Variants in GTF2A1 observed in about 807,000 individuals in gnomAD.
GTF2A1 encodes general transcription factor IIA subunit 1.
In GTF2A1, 12 loss-of-function variants were observed where a neutral mutation model predicts 54.1. The ratio of observed to expected loss-of-function variants is 0.22; its 90% confidence interval spans 0.14 to 0.36. The LOEUF (loss-of-function observed/expected upper bound fraction) is 0.36. GTF2A1 is among the 10% of genes least tolerant of loss of function. The pLI is 1.00. For synonymous variants in GTF2A1, 145 were observed against 152.0 expected (o/e 0.95, Z 0.34); for missense variants, 335 against 442.2 (o/e 0.76, Z 2.17).
intron 3 of GTF2A1, chr14:81,202,649 T>C (rs777308816): frequency 7.8e-6 from 4 of 514,092 alleles, no homozygotes; most frequent in South Asian, 1.4e-5. Context: ...TCGGAAAAAA[T>C]ACAAATCAGA....
At chr14:81,181,790 C>A (rs1242753202) in intron 8 of GTF2A1, among the ~76,000 whole-genome samples, 1 of 152,142 alleles carries the variant, frequency 6.6e-6, no homozygotes, top group Non-Finnish European at 1.5e-5. Context: ...TGATCCCCCA[C>A]CTCGGCCTCC....
At chr14:81,205,779 G>A (rs777872526) in intron 2 of GTF2A1, among the ~76,000 whole-genome samples, 24 of 152,166 alleles carry the variant, frequency 1.6e-4, no homozygotes, top group Admixed American at 5.9e-4. Context: ...GAAAGACAGC[G>A]CTTCTTCCCG....
chr14:81,190,352 A>C (rs772854917), intron 7 of GTF2A1, among the ~76,000 whole-genome samples: 1 of 152,134 alleles, frequency 6.6e-6, no homozygotes, highest in Non-Finnish European at 1.5e-5. Context: ...CCTTGTAAGA[A>C]GAGTATGAGA....
intron 2 of GTF2A1, among the ~76,000 whole-genome samples, chr14:81,209,132 CA>C (rs1893306339): frequency 6.6e-6 from 1 of 152,148 alleles, no homozygotes; most frequent in African/African-American, 2.4e-5. Context: ...GTGTCCCCAC[CA>C]AAATCTCAAC....
At chr14:81,197,944 T>C (rs1328016600) in intron 4 of GTF2A1, among the ~76,000 whole-genome samples, 2 of 152,232 alleles carry the variant, frequency 1.3e-5, no homozygotes, top group East Asian at 1.9e-4. Flanking sequence ...AGTATAATTA[T>C]CTACTTTTTA....
At chr14:81,196,049 G>A in intron 6 of GTF2A1, 59 bp downstream of exon 6, 1 of 1,477,480 alleles carries the variant, frequency 6.8e-7, no homozygotes, top group Non-Finnish European at 9.4e-7. Flanking sequence ...AAACTACCCA[G>A]GGAATACATA....
intron 3 of GTF2A1, among the ~76,000 whole-genome samples, chr14:81,202,459 G>A (rs1893134415): frequency 1.3e-5 from 2 of 152,140 alleles, no homozygotes; most frequent in Non-Finnish European, 2.9e-5. Context: ...CGGGTGCAGG[G>A]ATGCATGCCT....
In GTF2A1 at chr14:81,192,740, T is replaced by C. The variant is rs1360714051; in HGVS notation, c.712A>G (p.Thr238Ala). 2 of 1,613,638 alleles carry C rather than the reference T, an allele frequency of 1.2e-6. No homozygotes were observed. Among genetic ancestry groups the C allele is most frequent in the Non-Finnish European group, 1.7e-6 (2 of 1,179,492 alleles). The change falls in exon 7 of 9, where the codon ACG (threonine) becomes GCG (alanine). Residue 238 changes from threonine (T) to alanine (A), a missense_variant. Thr to Ala is a moderately conservative substitution (Grantham distance 58). Coordinates refer to ENST00000553612, the MANE Select transcript of GTF2A1 (RefSeq NM_015859.4). ...GCTGGTGTAGGTGCTGCCACTGTCGTAGGTATAACTTGAGTCTTATTTCCT... is the reference window on the plus strand; with the variant it reads ...GCTGGTGTAGGTGCTGCCACTGTCGCAGGTATAACTTGAGTCTTATTTCCT... ...FTGNKTQVIP[T>A]TVAAPTPAQA...
chr14:81,196,072 G>A (rs1257832707), intron 6 of GTF2A1, 36 bp downstream of exon 6: 1 of 1,592,454 alleles, frequency 6.3e-7, no homozygotes, highest in Admixed American at 1.7e-5. Context: ...GAATAAAACA[G>A]AACCCCATAC....
intron 3 of GTF2A1, chr14:81,202,968 A>G (rs1183012338): frequency 5.8e-6 from 2 of 345,610 alleles, no homozygotes; most frequent in East Asian, 1.6e-4. Context: ...TTTAAGACAC[A>G]TATATATACT....
intron 1 of GTF2A1, among the ~76,000 whole-genome samples, chr14:81,219,577 T>C (rs921021146): frequency 1.3e-5 from 2 of 152,208 alleles, no homozygotes; most frequent in East Asian, 1.9e-4. Flanking sequence ...AACGGTACGG[T>C]GTCGGGCGGC....
chr14:81,187,939 A>G (rs1335517796), intron 7 of GTF2A1, among the ~76,000 whole-genome samples: 2 of 152,186 alleles, frequency 1.3e-5, no homozygotes, highest in African/African-American at 2.4e-5. Context: ...TTACATTTCC[A>G]CCAACAATGC....
rs1893514614 is a variant in GTF2A1 at position 81,217,626 on chromosome 14, C to T, written c.31-1112G>A. Among the ~76,000 whole-genome samples the T allele has an allele frequency of 2.0e-5, 3 of 152,122 alleles. 1 individual carries two copies. The South Asian group carries it at 6.2e-4, about 31-fold the overall frequency. ...ACCAGCCTGGGTAACATAGTGAAAC[C>T]CAATCTCCACAAAAAATTAGCCAGG... On this transcript the variant is annotated intron_variant, in intron 1 of 8. Coordinates refer to ENST00000553612, the MANE Select transcript of GTF2A1 (RefSeq NM_015859.4).
intron 8 of GTF2A1, among the ~76,000 whole-genome samples, chr14:81,184,475 ACT>A (rs1484183377): frequency 6.6e-6 from 1 of 152,108 alleles, no homozygotes; most frequent in Non-Finnish European, 1.5e-5. Context: ...ATGCTGTGAA[ACT>A]CTCAATGACC....
rs539735379 is a variant in GTF2A1, at chr14:81,176,761, G to C, written c.*3462C>G. ...ATAGCTGATTCTGACAGGTAGGTGA[G>C]AGAAAGACATGAAATAAAATGAAAA... On this transcript the variant is annotated 3_prime_UTR_variant, in exon 9 of 9. Coordinates refer to ENST00000553612, the MANE Select transcript of GTF2A1 (RefSeq NM_015859.4). 6.6e-5 allele frequency: 10 copies of C among 152,076 alleles called. No homozygotes were observed. The South Asian group carries it at 1.5e-3, about 22-fold the overall frequency. The allele number at this position is 152,076 out of a possible 1,614,324, so 9.4% of individuals were successfully genotyped here.
intron 2 of GTF2A1, among the ~76,000 whole-genome samples, chr14:81,211,910 ACT>A (rs1376379593): frequency 1.1e-5 from 1 of 89,202 alleles, no homozygotes; most frequent in Admixed American, 9.8e-5. Flanking sequence ...TATATATATA[ACT>A]AGAGTATATT....
intron 3 of GTF2A1, 53 bp downstream of exon 3, chr14:81,203,847 T>C: frequency 1.4e-6 from 2 of 1,431,926 alleles, no homozygotes; most frequent in Non-Finnish European, 9.9e-7. Context: ...TCTTCTTTCA[T>C]AATGACAAAC....
chr14:81,178,459 G>C lies in GTF2A1; in HGVS notation c.*1764C>G, dbSNP rs1892573166. ...CCCCTCAAAAAACTAAATTAATATA[G>C]TCAAAATAAAAGCTGTATTACCAGT... On this transcript the variant is annotated 3_prime_UTR_variant, in exon 9 of 9. Transcript: ENST00000553612. 1 of 151,924 alleles carries C rather than the reference G, an allele frequency of 6.6e-6. No homozygotes were observed. The highest frequency in any genetic ancestry group is 1.5e-5 in the Non-Finnish European group (1 of 67,970). 9.4% of individuals were successfully genotyped at this position (151,924 alleles called of 1,614,324 possible). A position where few individuals can be genotyped will look rare whatever the true frequency, so the allele number is the denominator to read the frequency against.
intron 2 of GTF2A1, chr14:81,209,891 A>G: frequency 7.8e-7 from 1 of 1,275,712 alleles, no homozygotes; most frequent in South Asian, 1.2e-5. Flanking sequence ...TACCATTTCT[A>G]CCAAAGTATG....
Sources: gnomAD v4.1 joint callset for allele counts (sites outside exome capture counted in the v4.1 genomes callset) on GRCh38, gnomAD v4.1.1 for gene constraint, MANE v1.5 for transcripts, NCBI Gene and HGNC (gene_info 2026-07-23, HGNC 2026-07-21) for gene names.